CDH18: variants seen among roughly 807,000 people sequenced by gnomAD.
CDH18 encodes cadherin-18.
A neutral mutation model predicts 67.9 loss-of-function variants in CDH18; 31 were observed. That is an observed-to-expected ratio of 0.46 (90% confidence interval 0.34 to 0.62). The LOEUF is 0.62. Ranked by LOEUF, CDH18 falls within the 20% of genes least tolerant of loss-of-function variation. CDH18 has a pLI of 0.01. For synonymous variants in CDH18, 362 were observed against 347.2 expected, an observed-to-expected ratio of 1.04 and a Z score of -0.48; for missense variants, 890 against 975.5, an observed-to-expected ratio of 0.91 and a Z score of 1.17.
At chr5:20,282,427 C>T (rs192343324) in intron 1 of CDH18, among the ~76,000 whole-genome samples, 2 of 151,878 alleles carry the variant, frequency 1.3e-5, no homozygotes, top group Admixed American at 6.6e-5. Flanking sequence ...GCATGAAGGG[C>T]TGTTTAATTT....
intron 9 of CDH18, among the ~76,000 whole-genome samples, chr5:19,536,210 A>G (rs1390202948): frequency 1.3e-5 from 2 of 152,332 alleles, no homozygotes; most frequent in Non-Finnish European, 2.9e-5. Flanking sequence ...ACTACAATGA[A>G]ATGCAATAAG....
chr5:20,308,084 T>TTTTC (rs1452410395), intron 1 of CDH18, among the ~76,000 whole-genome samples: 4 of 148,914 alleles, frequency 2.7e-5, no homozygotes, highest in African/African-American at 1.0e-4. Flanking sequence ...TACTGCTTTT[T>TTTTC]TTTTTTTTTT....
At chr5:19,571,880 T>A in intron 7 of CDH18, 48 bp from the exon 8 acceptor site, 6 of 1,432,762 alleles carry the variant, frequency 4.2e-6, no homozygotes, top group Non-Finnish European at 5.8e-6. Context: ...AAAAGTCATA[T>A]TATGACTTTC....
chr5:19,995,536 T>C (rs1735936017), intron 2 of CDH18, among the ~76,000 whole-genome samples: 1 of 151,266 alleles, frequency 6.6e-6, no homozygotes, highest in South Asian at 2.1e-4. Flanking sequence ...TGTTTTACTG[T>C]CTGAACATAC....
At chr5:19,809,987 A>G (rs1335154205) in intron 3 of CDH18, among the ~76,000 whole-genome samples, 1 of 152,160 alleles carries the variant, frequency 6.6e-6, no homozygotes, top group Admixed American at 6.6e-5. Context: ...AAAACTTGAA[A>G]AAGACTGTTA....
intron 2 of CDH18, among the ~76,000 whole-genome samples, chr5:19,926,276 G>C (rs1793079963): frequency 6.6e-6 from 1 of 152,132 alleles, no homozygotes; most frequent in African/African-American, 2.4e-5. Context: ...TAATATGCTT[G>C]AAATACTTTT....
intron 5 of CDH18, among the ~76,000 whole-genome samples, chr5:19,621,968 C>T (rs1373709437): frequency 1.3e-5 from 2 of 152,150 alleles, no homozygotes; most frequent in Non-Finnish European, 1.5e-5. Context: ...AATTCTGTTG[C>T]CATGTGTGCA....
At chr5:19,586,389 GTGT>G (rs1744143715) in intron 7 of CDH18, among the ~76,000 whole-genome samples, 1 of 151,894 alleles carries the variant, frequency 6.6e-6, no homozygotes, top group African/African-American at 2.4e-5. Flanking sequence ...AGGCCCGTGT[GTGT>G]TGTTAACCCT....
chr5:20,444,989 C>T (rs1464770220), intron 1 of CDH18, among the ~76,000 whole-genome samples: 1 of 152,048 alleles, frequency 6.6e-6, no homozygotes, highest in Non-Finnish European at 1.5e-5. Flanking sequence ...ACAGACAGAG[C>T]CACAAATTTT....
At chr5:20,091,204 G>A (rs1287457692) in intron 2 of CDH18, among the ~76,000 whole-genome samples, 10 of 152,094 alleles carry the variant, frequency 6.6e-5, no homozygotes, top group Non-Finnish European at 1.5e-4. Flanking sequence ...CACATTTTAA[G>A]GCCAGGCACA....
upstream of CDH18, among the ~76,000 whole-genome samples, chr5:19,990,356 T>A (rs1799912064): frequency 6.6e-6 from 1 of 152,202 alleles, no homozygotes; most frequent in South Asian, 2.1e-4. Context: ...ACACAAGCAA[T>A]GAGCATCTTA....
intron 1 of CDH18, among the ~76,000 whole-genome samples, chr5:20,521,397 A>AT (rs1445399555): frequency 1.3e-5 from 2 of 152,078 alleles, no homozygotes; most frequent in African/African-American, 4.8e-5. Flanking sequence ...ATGAATAAGT[A>AT]TTTTTTGTTG....
At chr5:19,736,106 T>C (rs1174747115) in intron 4 of CDH18, among the ~76,000 whole-genome samples, 4 of 152,196 alleles carry the variant, frequency 2.6e-5, no homozygotes, top group Non-Finnish European at 5.9e-5. Context: ...CTTGAAATAA[T>C]GGACCAGAAC....
At chr5:19,997,902 G>T (rs1736137567) in intron 2 of CDH18, among the ~76,000 whole-genome samples, 1 of 152,260 alleles carries the variant, frequency 6.6e-6, no homozygotes, top group Non-Finnish European at 1.5e-5. Context: ...ACAATAAAGA[G>T]ATATTACTCT....
intron 5 of CDH18, among the ~76,000 whole-genome samples, chr5:19,661,594 T>G (rs1195624953): frequency 1.4e-4 from 21 of 152,028 alleles, no homozygotes. Context: ...CTAGTTATTT[T>G]GTGAAACTCT....
At chr5:20,009,888 T>G (rs1172133595) in intron 2 of CDH18, among the ~76,000 whole-genome samples, 1 of 152,164 alleles carries the variant, frequency 6.6e-6, no homozygotes, top group Admixed American at 6.5e-5. Context: ...TTTTAAAATA[T>G]AATGAATGTG....
intron 5 of CDH18, among the ~76,000 whole-genome samples, chr5:19,703,535 G>T (rs142835634): frequency 1.5e-4 from 23 of 152,086 alleles, no homozygotes; most frequent in African/African-American, 5.6e-4. Flanking sequence ...TGAAGAAAAA[G>T]GGTGGCCTGA....
At chr5:19,963,158 A>T (rs1797085276) in intron 2 of CDH18, among the ~76,000 whole-genome samples, 1 of 152,144 alleles carries the variant, frequency 6.6e-6, no homozygotes, top group Admixed American at 6.5e-5. Context: ...CATTCACTGA[A>T]ATCACACAAT....
intron 11 of CDH18, among the ~76,000 whole-genome samples, chr5:19,499,424 A>G (rs956444308): frequency 2.6e-5 from 4 of 152,064 alleles, no homozygotes; most frequent in African/African-American, 9.7e-5. Flanking sequence ...GTGTGCATAC[A>G]TATAATTAAA....
Sources: gnomAD v4.1 joint callset for allele counts (sites outside exome capture counted in the v4.1 genomes callset) on GRCh38, gnomAD v4.1.1 for gene constraint, MANE v1.5 for transcripts, NCBI Gene and HGNC (gene_info 2026-07-23, HGNC 2026-07-21) for gene names.